Variants in RASGEF1B observed in about 807,000 individuals in gnomAD.
RASGEF1B encodes the protein RasGEF domain family member 1B.
A neutral mutation model predicts 65.7 loss-of-function variants in RASGEF1B; 30 were observed. That is an observed-to-expected ratio of 0.46 (90% CI 0.34 to 0.62). The LOEUF (loss-of-function observed/expected upper bound fraction) is 0.62, where lower values mean the gene tolerates loss of function less well. RASGEF1B is among the 20% of genes least tolerant of loss of function. The probability of loss-of-function intolerance (pLI) is 0.01; values close to 1 mark genes in which losing one functional copy is unlikely to be tolerated. For missense variants in RASGEF1B, 495 were observed against 580.1 expected (o/e 0.85, Z 1.51); for synonymous variants, 175 against 194.8 (o/e 0.90, Z 0.85).
intron 1 of RASGEF1B, among the ~76,000 whole-genome samples, chr4:81,470,406 C>A (rs941938296): frequency 6.6e-6 from 1 of 152,186 alleles, no homozygotes; most frequent in Non-Finnish European, 1.5e-5. Context: ...ATGCCAAGCT[C>A]TAGCTACTGT....
chr4:81,428,528 T>C (rs1311923886), intron 13 of RASGEF1B, among the ~76,000 whole-genome samples: 1 of 152,234 alleles, frequency 6.6e-6, no homozygotes, highest in East Asian at 1.9e-4. Flanking sequence ...GCATTTACAT[T>C]ATATTAGATA....
At chr4:81,469,654 T>TATACACAC (rs143154663) in intron 1 of RASGEF1B, among the ~76,000 whole-genome samples, 3 of 150,912 alleles carry the variant, frequency 2.0e-5, no homozygotes, top group African/African-American at 7.3e-5. Context: ...TGTGTATATA[T>TATACACAC]ACACACACAC....
At chr4:81,451,994 G>A (rs758820248) in intron 4 of RASGEF1B, 25 of 152,264 alleles carry the variant, frequency 1.6e-4, no homozygotes, top group Admixed American at 3.3e-4. Flanking sequence ...GATTCTGATC[G>A]ACTTGGTCTG....
At chr4:81,471,594 G>A (rs375347582) in intron 1 of RASGEF1B, among the ~76,000 whole-genome samples, 176 bp downstream of exon 1, 108 of 152,304 alleles carry the variant, frequency 7.1e-4, no homozygotes, top group African/African-American at 2.5e-3. Flanking sequence ...ACTCGCCTCG[G>A]GATCTCCCGC....
chr4:81,441,025 A>AAAAT, intron 9 of RASGEF1B, 96 bp from the exon 10 acceptor site: 1 of 770,026 alleles, frequency 1.3e-6, no homozygotes, highest in Non-Finnish European at 2.1e-6. Context: ...TACAAAATTC[A>AAAAT]AAATAAGTTA....
intron 1 of RASGEF1B, among the ~76,000 whole-genome samples, chr4:81,463,811 G>T (rs529386292): frequency 6.6e-6 from 1 of 152,080 alleles, no homozygotes; most frequent in Non-Finnish European, 1.5e-5. Context: ...TTGATGTCTG[G>T]GTCTTTTATT....
At chr4:81,468,160 G>A (rs1261385863) in intron 1 of RASGEF1B, among the ~76,000 whole-genome samples, 1 of 152,140 alleles carries the variant, frequency 6.6e-6, no homozygotes, top group African/African-American at 2.4e-5. Flanking sequence ...ATAGCATGTG[G>A]AGAACATTCT....
intron 13 of RASGEF1B, among the ~76,000 whole-genome samples, chr4:81,430,608 T>A (rs769429199): frequency 6.6e-6 from 1 of 152,160 alleles, no homozygotes; most frequent in Non-Finnish European, 1.5e-5. Flanking sequence ...AGCAGGGCAC[T>A]GAAGAAGGGA....
intron 10 of RASGEF1B, among the ~76,000 whole-genome samples, chr4:81,439,250 C>T (rs1245700399): frequency 3.3e-5 from 5 of 152,088 alleles, no homozygotes; most frequent in Admixed American, 3.3e-4. Context: ...CACAGCCTCG[C>T]CAGCATCTAT....
rs771479085 is a variant in RASGEF1B, at chr4:81,457,639, AG to A, written c.178-19del. The A allele has an allele frequency of 6.2e-7, 1 of 1,611,946 alleles. No individual in the cohort carries two copies. On this transcript the variant is annotated intron_variant, in intron 2 of 13. Coordinates refer to ENST00000264400, the MANE Select transcript of RASGEF1B (RefSeq NM_152545.3). ...TATGTTCTCTGCAGCAACAGAAAAA[AG>A]TCATCATCGTTACATTCTCTCTGAA...
In RASGEF1B at chr4:81,434,158, T is replaced by C. The variant is rs1393402366; in HGVS notation, c.1201-195A>G. ...TCAAACTCCTGGGCTCGAGCAATCC[T>C]TCAGCCTCAGCCTCCCTGCTACTAG... On this transcript the variant is annotated intron_variant, in intron 11 of 13. Transcript: ENST00000264400. Among the ~76,000 whole-genome samples the C allele has an allele frequency of 3.9e-5, 6 of 152,094 alleles. No individual in the cohort carries two copies. The East Asian group carries it at 1.2e-3, about 29-fold the overall frequency.
At chr4:81,460,495 G>A (rs1360850176) in intron 1 of RASGEF1B, among the ~76,000 whole-genome samples, 1 of 152,190 alleles carries the variant, frequency 6.6e-6, no homozygotes, top group African/African-American at 2.4e-5. Flanking sequence ...GACAGGGTGT[G>A]TGGAGGCAGC....
chr4:81,456,899 A>C, intron 3 of RASGEF1B, 111 bp from the exon 4 acceptor site: 1 of 962,682 alleles, frequency 1.0e-6, no homozygotes, highest in Non-Finnish European at 1.5e-6. Flanking sequence ...GTCTTTAGGG[A>C]TGAAGAAGAA....
At position 81,434,666 on chromosome 4, in the gene RASGEF1B, G is replaced by A. The variant is rs755971877; in HGVS notation, c.1173C>T (p.Arg391=). ...IYFLNEGCAN[R]LPNGHVNFEK... ...CAAAATTGACATGGCCATTGGGAAG[G>A]CGGTTGGCACAACCCTCATTGAGGA... The change falls in exon 11 of 14, where the codon CGC becomes CGT. Residue 391 remains arginine, a synonymous_variant. Coordinates refer to ENST00000264400, the MANE Select transcript of RASGEF1B (RefSeq NM_152545.3). 20 of 1,605,146 alleles carry A rather than the reference G, an allele frequency of 1.2e-5. No individual in the cohort carries two copies. The highest frequency in any genetic ancestry group is 3.3e-4 in the Middle Eastern group (2 of 6,066).
At position 81,466,770 on chromosome 4, in the gene RASGEF1B, A is replaced by AAAAAAAAAGAAAG. The variant is rs748492254; in HGVS notation, c.-7+4999_-7+5000insCTTTCTTTTTTTT. On this transcript the variant is annotated intron_variant, in intron 1 of 13. Transcript: ENST00000264400. ...CAAGCCTCCATGTCAAAAAAAAAAA[A>AAAAAAAAAGAAAG]AAAGAAAGAAAGAAAGAAAGAAAGA... Among the ~76,000 whole-genome samples the AAAAAAAAAGAAAG allele has an allele frequency of 7.8e-4, 28 of 36,094 alleles. 1 individual carries two copies. Among genetic ancestry groups the AAAAAAAAAGAAAG allele is most frequent in the African/African-American group, 2.7e-3 (28 of 10,532 alleles). The allele number at this position is 36,094 out of a possible 152,430, so 23.7% of individuals were successfully genotyped here. A position where few individuals can be genotyped will look rare whatever the true frequency, so the allele number is the denominator to read the frequency against.
rs1192331394 is a variant in RASGEF1B at position 81,448,183 on chromosome 4, T to A, written c.540A>T (p.Thr180=). 6.2e-7 allele frequency: 1 copy of A among 1,613,990 alleles called. No homozygotes were observed. Among genetic ancestry groups the A allele is most frequent in the African/African-American group, 1.3e-5 (1 of 74,934 alleles). The part of the protein sequence containing the change: ...YEEVLAKISS[T]STDRLTVLKT... ...TGAGAACTGTGAGCCGATCTGTGGA[T>A]GTGGAGCTGATTTTTGCCAGGACTT... The change falls in exon 5 of 14, where the codon ACA becomes ACT. Residue 180 remains threonine (T), a synonymous_variant. Coordinates refer to ENST00000264400, the MANE Select transcript of RASGEF1B (RefSeq NM_152545.3).
Position 81,433,983 on chromosome 4 carries a change from A to G in RASGEF1B, c.1201-20T>C, listed in dbSNP as rs1553943791. On this transcript the variant is annotated intron_variant, in intron 11 of 13. Coordinates refer to ENST00000264400, the MANE Select transcript of RASGEF1B (RefSeq NM_152545.3). ...AAATTTCTGGAAGATAAGTAAAAAA[A>G]GAATATAAAGGTGATCATAAAAAAA... 6.2e-7 allele frequency: 1 copy of G among 1,601,792 alleles called. No individual in the cohort carries two copies. The highest frequency in any genetic ancestry group is 1.7e-5 in the Admixed American group (1 of 59,910).
At chr4:81,450,280 G>A (rs1227616094) in intron 4 of RASGEF1B, among the ~76,000 whole-genome samples, 1 of 152,096 alleles carries the variant, frequency 6.6e-6, no homozygotes, top group African/African-American at 2.4e-5. Context: ...CACTTTGGGA[G>A]GCTGAGGCAA....
chr4:81,447,506 T>G lies in RASGEF1B; in HGVS notation c.727A>C (p.Lys243Gln). Residue 243 changes from lysine (K) to glutamine (Q), a missense_variant and splice_region_variant, in exon 6 of 14, where the codon AAG (lysine) becomes CAG (glutamine). Lys to Gln is a moderately conservative substitution (Grantham distance 53, BLOSUM62 1). Transcript: ENST00000264400. Reference protein sequence around the residue: ...FVQKDPLDNDKSCYSERKKTR... With the variant: ...FVQKDPLDNDQSCYSERKKTR... Reference sequence around the variant, plus strand: ...TGACCTTTGGGTAGACTGATTACCTTGTCATTATCCAAAGGGTCCTTCTGC... The same window carrying G: ...TGACCTTTGGGTAGACTGATTACCTGGTCATTATCCAAAGGGTCCTTCTGC... The G allele has an allele frequency of 6.2e-7, 1 of 1,613,222 alleles. No individual in the cohort carries two copies. Among genetic ancestry groups the G allele is most frequent in the African/African-American group, 1.3e-5 (1 of 75,022 alleles).
Sources: allele counts gnomAD v4.1 joint callset (sites outside exome capture counted in the v4.1 genomes callset), GRCh38; gene constraint gnomAD v4.1.1; transcripts MANE v1.5; gene names NCBI Gene and HGNC (gene_info 2026-07-23, HGNC 2026-07-21).